The following LRRC27 variants were observed in gnomAD, a reference collection of about 807,000 sequenced individuals.
LRRC27 encodes the protein leucine rich repeat containing 27.
A neutral mutation model predicts 55.0 loss-of-function variants in LRRC27; 57 were observed. The observed-to-expected ratio is 1.04, with a 90% CI of 0.84 to 1.29. The LOEUF (loss-of-function observed/expected upper bound fraction) is 1.29, where lower values mean the gene tolerates loss of function less well. LRRC27 is among the 50% of genes most tolerant of loss of function. The pLI, the probability that LRRC27 is intolerant of heterozygous loss-of-function variation, is 0.00. For synonymous variants in LRRC27, 278 were observed against 251.9 expected, an observed-to-expected ratio of 1.10 and a Z score of -0.98; for missense variants, 721 against 651.5, an observed-to-expected ratio of 1.11 and a Z score of -1.16.
At chr10:132,330,550 G>T (rs1377892670), upstream of LRRC27, 2 of 714,712 alleles carry the variant, frequency 2.8e-6, no homozygotes, top group Non-Finnish European at 5.2e-6. Flanking sequence ...CGCTGTCACC[G>T]AAGCTGACAT....
At chr10:132,331,806 G>A (rs145910073), upstream of LRRC27, 28,936 of 1,592,240 alleles carry the variant, frequency 0.018, 468 homozygotes, top group South Asian at 0.047. Flanking sequence ...CTACTTGCCC[G>A]TCGACCACCA....
chr10:132,354,792 T>C (rs910214842), intron 7 of LRRC27, among the ~76,000 whole-genome samples: 4 of 151,802 alleles, frequency 2.6e-5, no homozygotes, highest in Non-Finnish European at 5.9e-5. Flanking sequence ...TCCAGGATGA[T>C]GATGGGAGAA....
chr10:132,331,517 T>C (rs755534668), upstream of LRRC27: 5 of 1,612,930 alleles, frequency 3.1e-6, no homozygotes, highest in Admixed American at 8.3e-5. Context: ...TGCGTTCCCC[T>C]GGCAGCAAGT....
chr10:132,342,683 G>T (rs1590622643), intron 4 of LRRC27, among the ~76,000 whole-genome samples: 1 of 152,140 alleles, frequency 6.6e-6, no homozygotes, highest in South Asian at 2.1e-4. Context: ...AAAACCAAAA[G>T]CATAAACTGA....
At chr10:132,364,576 C>CATCTA (rs1564854157) in intron 9 of LRRC27, among the ~76,000 whole-genome samples, 2 of 23,506 alleles carry the variant, frequency 8.5e-5, no homozygotes, top group African/African-American at 1.1e-4. Flanking sequence ...CACGTCCACA[C>CATCTA]CCTGGGGCCC....
intron 1 of LRRC27, among the ~76,000 whole-genome samples, chr10:132,332,761 C>T (rs1174866022): frequency 6.6e-6 from 1 of 152,004 alleles, no homozygotes; most frequent in Admixed American, 6.6e-5. Flanking sequence ...TGGAACAGTT[C>T]CCTAACTGAT....
At position 132,378,321 on chromosome 10, in the gene LRRC27, G is replaced by GT. The variant is rs1267745628; in HGVS notation, c.*3080dup. 1 of 151,346 alleles carries GT rather than the reference G, an allele frequency of 6.6e-6. No individual in the cohort carries two copies. Among genetic ancestry groups the GT allele is most frequent in the Non-Finnish European group, 1.5e-5 (1 of 67,890 alleles). The allele number at this position is 151,346 out of a possible 1,614,324, so 9.4% of individuals were successfully genotyped here. ...TGCCTGGATGTAATTTTCTTTTTAC[G>GT]TATTTTTCTTGGAATATACAGAACT... On this transcript the variant is annotated 3_prime_UTR_variant, in exon 11 of 11. Coordinates refer to ENST00000368614, the MANE Select transcript of LRRC27 (RefSeq NM_030626.3).
rs969956462 is a variant in LRRC27, at chr10:132,381,066, A to G, written c.*5824A>G. ...TTGATTAGATTGAAGAATGTAAAGT[A>G]TTGTTTCTGGGTGTTGCCAGAAGAG... On this transcript the variant is annotated 3_prime_UTR_variant, in exon 11 of 11. Transcript: ENST00000368614. Among the ~76,000 whole-genome samples, 1 of 152,236 alleles carries G rather than the reference A, an allele frequency of 6.6e-6. No homozygotes were observed. Among genetic ancestry groups the G allele is most frequent in the East Asian group, 1.9e-4 (1 of 5,198 alleles).
At chr10:132,360,298 G>A (rs1257867472) in intron 8 of LRRC27, among the ~76,000 whole-genome samples, 2 of 152,216 alleles carry the variant, frequency 1.3e-5, no homozygotes, top group South Asian at 2.1e-4. Flanking sequence ...GTTTCGCCAT[G>A]TTGGCCAGGC....
chr10:132,331,722 G>A (rs2066756589), upstream of LRRC27: 2 of 1,612,536 alleles, frequency 1.2e-6, no homozygotes, highest in Non-Finnish European at 1.7e-6. Flanking sequence ...CGGCTCCCCA[G>A]ACGGCACTTA....
chr10:132,343,800 C>T (rs899116276), intron 4 of LRRC27, among the ~76,000 whole-genome samples: 6 of 152,224 alleles, frequency 3.9e-5, no homozygotes, highest in Non-Finnish European at 5.9e-5. Context: ...GATTGGGAAA[C>T]GCCACAGGAC....
At chr10:132,362,945 C>T (rs1290613527) in intron 9 of LRRC27, among the ~76,000 whole-genome samples, 2 of 119,314 alleles carry the variant, frequency 1.7e-5, no homozygotes, top group African/African-American at 6.6e-5. Context: ...CCCTTCTCAC[C>T]TCACACCAGC....
Position 132,364,477 on chromosome 10 carries a change from C to CCACCCTTACATCTACCTCCA in LRRC27, c.1290-942_1290-941insTTACATCTACCTCCACACCC, listed in dbSNP as rs1477541421. On this transcript the variant is annotated intron_variant, in intron 9 of 10. Transcript: ENST00000368614. ...CACTCACACCCACCCACACTTACACCCACCCACACTTACACCCACCCTTAC... is the reference window on the plus strand; with the variant it reads ...CACTCACACCCACCCACACTTACACCCACCCTTACATCTACCTCCACACCCACACTTACACCCACCCTTAC... Among the ~76,000 whole-genome samples the CCACCCTTACATCTACCTCCA allele has an allele frequency of 1.9e-3, 219 of 117,664 alleles. 28 individuals are homozygous for CCACCCTTACATCTACCTCCA. The highest frequency in any genetic ancestry group is 4.3e-3 in the Middle Eastern group (1 of 234). The allele number at this position is 117,664 out of a possible 152,430, so 77.2% of individuals were successfully genotyped here.
chr10:132,336,738 T>A, intron 2 of LRRC27: 3 of 762,744 alleles, frequency 3.9e-6, no homozygotes, highest in Non-Finnish European at 7.3e-6. Flanking sequence ...TAGATGTGGA[T>A]CCAGGCAGTC....
chr10:132,352,657 C>T (rs1253810759), intron 7 of LRRC27, among the ~76,000 whole-genome samples: 2 of 138,326 alleles, frequency 1.4e-5, no homozygotes, highest in Non-Finnish European at 3.1e-5. Flanking sequence ...GCTGAGGCCT[C>T]CGTGTGGGGC....
At chr10:132,339,892 A>G (rs529816250) in intron 3 of LRRC27, among the ~76,000 whole-genome samples, 17 of 152,358 alleles carry the variant, frequency 1.1e-4, no homozygotes, top group South Asian at 1.0e-3. Flanking sequence ...CTGGCTGCCT[A>G]TGTTTTTGGA....
At chr10:132,344,352 A>G (rs1164043316) in intron 4 of LRRC27, 146 bp from the exon 5 acceptor site, 7 of 841,882 alleles carry the variant, frequency 8.3e-6, no homozygotes, top group Non-Finnish European at 1.2e-5. Flanking sequence ...TTTAAAGCAA[A>G]TCTTTGACAT....
intron 3 of LRRC27, among the ~76,000 whole-genome samples, chr10:132,340,875 C>A: frequency 2.6e-5 from 3 of 114,362 alleles, no homozygotes; most frequent in Admixed American, 9.0e-5. Flanking sequence ...AGTGAGACTC[C>A]ATCTCAAAAA....
chr10:132,341,245 C>T (rs531632735), intron 3 of LRRC27, among the ~76,000 whole-genome samples: 47 of 152,284 alleles, frequency 3.1e-4, no homozygotes, highest in African/African-American at 1.1e-3. Flanking sequence ...TGGTACACAC[C>T]GTTAGTCTCA....
Sources: allele counts gnomAD v4.1 joint callset (sites outside exome capture counted in the v4.1 genomes callset), GRCh38; gene constraint gnomAD v4.1.1; transcripts MANE v1.5; gene names NCBI Gene and HGNC (gene_info 2026-07-23, HGNC 2026-07-21).